SYT2: variants seen among roughly 807,000 people sequenced by gnomAD.
SYT2 encodes the protein synaptotagmin 2, also known as synaptotagmin-2.
Under a neutral mutation model 39.9 loss-of-function variants are expected in SYT2, and 15 were observed. That is an observed-to-expected ratio of 0.38 (90% CI 0.25 to 0.58). The LOEUF (loss-of-function observed/expected upper bound fraction) is 0.58. Ranked by LOEUF, SYT2 falls within the 20% of genes least tolerant of loss-of-function variation. The pLI, the probability that SYT2 is intolerant of heterozygous loss-of-function variation, is 0.70. For synonymous variants in SYT2, 181 were observed against 204.5 expected (o/e 0.89, Z 0.98); for missense variants, 389 against 530.3 (o/e 0.73, Z 2.62).
intron 1 of SYT2, among the ~76,000 whole-genome samples, chr1:202,610,454 T>C (rs1690855886): frequency 6.6e-6 from 1 of 152,168 alleles, no homozygotes; most frequent in Non-Finnish European, 1.5e-5. Context: ...TTCAACATAG[T>C]GTTGGAAGTT....
At chr1:202,631,063 G>A (rs981969775) in intron 1 of SYT2, among the ~76,000 whole-genome samples, 4 of 152,196 alleles carry the variant, frequency 2.6e-5, no homozygotes, top group South Asian at 2.1e-4. Context: ...TATCACAGCC[G>A]AGGAAACTGA....
chr1:202,596,476 G>A lies in SYT2; in HGVS notation c.*281C>T, dbSNP rs1690301209. 1 of 321,460 alleles carries A rather than the reference G, an allele frequency of 3.1e-6. No homozygotes were observed. The highest frequency in any genetic ancestry group is 5.7e-6 in the Non-Finnish European group (1 of 175,068). 19.9% of individuals were successfully genotyped at this position (321,460 alleles called of 1,614,324 possible). A position where few individuals can be genotyped will look rare whatever the true frequency, so the allele number is the denominator to read the frequency against. ...TCGCTTGGGGTGAGGCAGATGTGAA[G>A]CTTTGAAAGAGTCGAGGGAACTGTG... On this transcript the variant is annotated 3_prime_UTR_variant, in exon 9 of 9. Coordinates refer to ENST00000367268, the MANE Select transcript of SYT2 (RefSeq NM_177402.5).
At chr1:202,655,523 C>T (rs543050349) in intron 1 of SYT2, among the ~76,000 whole-genome samples, 4 of 152,282 alleles carry the variant, frequency 2.6e-5, no homozygotes, top group Middle Eastern at 3.4e-3. Flanking sequence ...CCACCGTTTA[C>T]GCACTGTGCT....
chr1:202,658,289 G>A (rs1336704700), intron 1 of SYT2, among the ~76,000 whole-genome samples: 1 of 152,188 alleles, frequency 6.6e-6, no homozygotes, highest in Non-Finnish European at 1.5e-5. Flanking sequence ...GGACTGTGCA[G>A]GTTTCAGCTA....
intron 1 of SYT2, chr1:202,639,437 C>A (rs1334754659): frequency 1.1e-6 from 1 of 944,858 alleles, no homozygotes; most frequent in East Asian, 1.2e-4. Context: ...TGGAGCTCCC[C>A]CTAAGCCTCA....
chr1:202,689,865 C>T (rs4641349), intron 1 of SYT2, among the ~76,000 whole-genome samples: 38,307 of 151,212 alleles, frequency 0.25, 5,374 homozygotes, highest in South Asian at 0.42. Flanking sequence ...TTTCCCCCTC[C>T]CCTGTAAAGT....
At chr1:202,690,512 G>C (rs1209583728) in intron 1 of SYT2, among the ~76,000 whole-genome samples, 1 of 152,176 alleles carries the variant, frequency 6.6e-6, no homozygotes, top group East Asian at 1.9e-4. Context: ...AAAGGGAAAA[G>C]AGCCTCAAGC....
At chr1:202,630,467 G>A (rs1691552898) in intron 1 of SYT2, 1 of 921,742 alleles carries the variant, frequency 1.1e-6, no homozygotes, top group South Asian at 5.0e-5. Context: ...AGGCTTCCTG[G>A]AAGAGCAGCA....
In SYT2 at chr1:202,599,753, A is replaced by G. The variant is rs1439749681; in HGVS notation, c.920-402T>C. ...ACAAGAAACTGAGGCCAAAGAACGG[A>G]AATGACCTGCCCGAGGTCACACAGC... is the stretch of plus-strand genomic sequence containing the variant. On this transcript the variant is annotated intron_variant, in intron 7 of 8. Transcript: ENST00000367268. The surrounding 1 kb of genome is among the most constrained non-coding windows in gnomAD (Gnocchi z 4.4). Among the ~76,000 whole-genome samples, 3 of 152,184 alleles carry G rather than the reference A, an allele frequency of 2.0e-5. No individual in the cohort carries two copies. The highest frequency in any genetic ancestry group is 7.2e-5 in the African/African-American group (3 of 41,456).
chr1:202,699,014 T>C (rs1394162110), intron 1 of SYT2, among the ~76,000 whole-genome samples: 3 of 144,148 alleles, frequency 2.1e-5, no homozygotes. Context: ...AACTGTCTTT[T>C]TTTTTTTTTT....
chr1:202,625,106 G>GTGGC (rs1558436167), intron 1 of SYT2, among the ~76,000 whole-genome samples: 1 of 113,944 alleles, frequency 8.8e-6, no homozygotes, highest in African/African-American at 3.7e-5. Context: ...GTATGTGTGT[G>GTGGC]GTGTGTGTGG....
intron 1 of SYT2, among the ~76,000 whole-genome samples, chr1:202,634,354 C>CT (rs942090617): frequency 6.6e-6 from 1 of 152,086 alleles, no homozygotes; most frequent in African/African-American, 2.4e-5. Context: ...CCCATCTGTA[C>CT]TAAAAATACA....
intron 1 of SYT2, among the ~76,000 whole-genome samples, chr1:202,612,200 T>G (rs1454380871): frequency 2.6e-5 from 4 of 152,226 alleles, no homozygotes; most frequent in African/African-American, 9.6e-5. Context: ...AAATATCAAC[T>G]GACCACAAAT....
In SYT2 at chr1:202,618,699, A is replaced by C. The variant is rs113678032; in HGVS notation, c.-17-12910T>G. 6.6e-5 allele frequency among the ~76,000 whole-genome samples: 10 copies of C among 152,288 alleles called. 2 individuals carry two copies. Among genetic ancestry groups the C allele is most frequent in the African/African-American group, 2.4e-4 (10 of 41,550 alleles). On this transcript the variant is annotated intron_variant, in intron 1 of 8. Transcript: ENST00000367268. ...TGGGTAGAGACCGCATGTCCTTCCC[A>C]CAGCCCACATCTGCTCAGCATGTAG... is the stretch of plus-strand genomic sequence containing the variant.
intron 1 of SYT2, among the ~76,000 whole-genome samples, chr1:202,696,686 C>T (rs1260211824): frequency 6.6e-6 from 1 of 152,186 alleles, no homozygotes; most frequent in Non-Finnish European, 1.5e-5. Context: ...ACATGGGAGC[C>T]TGACCAGTGT....
rs1406230124 is a variant in SYT2 at position 202,595,713 on chromosome 1, C to G, written c.*1044G>C. The G allele has an allele frequency of 6.6e-6, 1 of 152,256 alleles. No homozygotes were observed. The highest frequency in any genetic ancestry group is 1.5e-5 in the Non-Finnish European group (1 of 68,048). The allele number at this position is 152,256 out of a possible 1,614,324, so 9.4% of individuals were successfully genotyped here. A position where few individuals can be genotyped will look rare whatever the true frequency, so the allele number is the denominator to read the frequency against. ...GCAAAAGCACAATGGGGAATAAATG[C>G]AAATGAACTTGGCTGCTTATATTCT... On this transcript the variant is annotated 3_prime_UTR_variant, in exon 9 of 9. Transcript: ENST00000367268.
chr1:202,599,294 G>A lies in SYT2; in HGVS notation c.977C>T (p.Thr326Ile), dbSNP rs1476773541. The A allele has an allele frequency of 6.2e-7, 1 of 1,609,710 alleles. No homozygotes were observed. The highest frequency in any genetic ancestry group is 8.5e-7 in the Non-Finnish European group (1 of 1,178,604). ...GTTCAGGGTCTTCTTCTTCACGGTT[G>A]TCTTCTTCTTCTTGAGCCTCTTGCC... ...QNGKRLKKKK[T>I]TVKKKTLNPY... Residue 326 changes from threonine (T) to isoleucine (I), a missense_variant, in exon 8 of 9, where the codon ACA becomes ATA. Coordinates refer to ENST00000367268, the MANE Select transcript of SYT2 (RefSeq NM_177402.5). This position sits in a 1 kb window ranked among gnomAD's most constrained non-coding sequence, Gnocchi z 4.4.
intron 1 of SYT2, among the ~76,000 whole-genome samples, chr1:202,642,084 C>T (rs1368721678): frequency 1.3e-5 from 2 of 152,164 alleles, no homozygotes; most frequent in Non-Finnish European, 2.9e-5. Flanking sequence ...GGTGTTGGGA[C>T]TGGGAGAAAC....
At chr1:202,605,945 C>A (rs1690690455) in intron 1 of SYT2, among the ~76,000 whole-genome samples, 156 bp from the exon 2 acceptor site, 1 of 152,032 alleles carries the variant, frequency 6.6e-6, no homozygotes, top group African/African-American at 2.4e-5. Context: ...AGACATCATC[C>A]AATTAGTACA....
Sources: gnomAD v4.1 joint callset for allele counts (sites outside exome capture counted in the v4.1 genomes callset) on GRCh38, gnomAD v4.1.1 for gene constraint, Gnocchi (gnomAD v3.1) non-coding constraint, MANE v1.5 for transcripts, NCBI Gene and HGNC (gene_info 2026-07-23, HGNC 2026-07-21) for gene names.